NRXN3: variants seen among roughly 807,000 people sequenced by gnomAD.
NRXN3 encodes neurexin 3, also known as neurexin III.
A neutral mutation model predicts 137.6 loss-of-function variants in NRXN3; 32 were observed. The ratio of observed to expected loss-of-function variants is 0.23; its 90% CI spans 0.18 to 0.31. NRXN3 has a LOEUF of 0.31. NRXN3 is among the 10% of genes least tolerant of loss of function. NRXN3 has a pLI of 1.00. For missense variants in NRXN3, 1,574 were observed against 2,062.5 expected (o/e 0.76, Z 4.59); for synonymous variants, 798 against 784.5 (o/e 1.02, Z -0.29).
At chr14:78,779,571 A>G (rs775865063) in intron 8 of NRXN3, among the ~76,000 whole-genome samples, 4 of 152,142 alleles carry the variant, frequency 2.6e-5, no homozygotes, top group Non-Finnish European at 5.9e-5. Context: ...CAGAAAGTCC[A>G]TAAGGGTTTA....
chr14:78,855,625 A>T (rs1244299735), intron 10 of NRXN3, among the ~76,000 whole-genome samples: 1 of 152,218 alleles, frequency 6.6e-6, no homozygotes, highest in Non-Finnish European at 1.5e-5. Context: ...CCTGTTTTCT[A>T]TCAAATTCTA....
intron 4 of NRXN3, among the ~76,000 whole-genome samples, chr14:78,600,839 T>G (rs749460986): frequency 9.2e-5 from 14 of 152,210 alleles, no homozygotes; most frequent in Non-Finnish European, 1.9e-4. Context: ...TATTTCTCAT[T>G]AGAAGTATAG....
At chr14:79,528,301 G>T (rs1354786567) in intron 16 of NRXN3, among the ~76,000 whole-genome samples, 1 of 152,126 alleles carries the variant, frequency 6.6e-6, no homozygotes, top group African/African-American at 2.4e-5. Context: ...CTATTATCAT[G>T]TTCTTGTGTG....
intron 15 of NRXN3, among the ~76,000 whole-genome samples, chr14:78,992,792 G>A (rs1336127621): frequency 6.6e-6 from 1 of 152,126 alleles, no homozygotes; most frequent in Non-Finnish European, 1.5e-5. Flanking sequence ...TACAATTTGG[G>A]GGTTTGGTTA....
At chr14:78,459,738 C>T (rs1008531755) in intron 4 of NRXN3, among the ~76,000 whole-genome samples, 4 of 152,192 alleles carry the variant, frequency 2.6e-5, no homozygotes, top group African/African-American at 9.7e-5. Context: ...AACTCACTTT[C>T]TCGTACTATA....
At chr14:78,528,675 A>G (rs1289096300) in intron 4 of NRXN3, among the ~76,000 whole-genome samples, 2 of 152,178 alleles carry the variant, frequency 1.3e-5, no homozygotes, top group African/African-American at 4.8e-5. Context: ...CATGAGAATT[A>G]TAGACTTCCA....
intron 10 of NRXN3, among the ~76,000 whole-genome samples, chr14:78,901,196 A>G (rs1486847017): frequency 6.6e-6 from 1 of 151,874 alleles, no homozygotes. Flanking sequence ...GGGGATTTGT[A>G]TCTAATTTTC....
rs1262483025 is a variant in NRXN3, at chr14:79,773,533, C to A, written c.4015-31579C>A. 3.4e-5 allele frequency among the ~76,000 whole-genome samples: 5 copies of A among 148,674 alleles called. No individual in the cohort carries two copies. In the East Asian group the frequency reaches 6.0e-4, roughly 18 times the overall value. ...CTCAGTAAACTATCGCAAGAACAAA[C>A]AACCAAACACCGCATATTCTCACTC... On this transcript the variant is annotated intron_variant, in intron 19 of 20. Transcript: ENST00000335750.
At chr14:78,344,887 C>A (rs2082537671) in intron 4 of NRXN3, among the ~76,000 whole-genome samples, 1 of 152,130 alleles carries the variant, frequency 6.6e-6, no homozygotes, top group Non-Finnish European at 1.5e-5. Flanking sequence ...TAGCAAGCTC[C>A]CCAATTGTTT....
intron 15 of NRXN3, among the ~76,000 whole-genome samples, chr14:79,335,725 C>A (rs2092206758): frequency 6.6e-6 from 1 of 151,760 alleles, no homozygotes; most frequent in Non-Finnish European, 1.5e-5. Flanking sequence ...CACTTTTTGG[C>A]TCTACTTTTA....
At chr14:78,973,661 C>A (rs1257650990) in intron 14 of NRXN3, among the ~76,000 whole-genome samples, 1 of 152,124 alleles carries the variant, frequency 6.6e-6, no homozygotes, top group Non-Finnish European at 1.5e-5. Flanking sequence ...ACTACTTCAT[C>A]CACTATTCAA....
At chr14:79,831,070 A>T (rs1603617849) in intron 20 of NRXN3, among the ~76,000 whole-genome samples, 2 of 74,034 alleles carry the variant, frequency 2.7e-5, no homozygotes, top group Non-Finnish European at 7.0e-5. Flanking sequence ...CCTATTAGAG[A>T]TAGAGACCAC....
At chr14:79,798,418 C>G (rs1239720230) in intron 19 of NRXN3, among the ~76,000 whole-genome samples, 27 of 152,180 alleles carry the variant, frequency 1.8e-4, no homozygotes, top group Non-Finnish European at 1.3e-4. Context: ...AGAACTAAAA[C>G]AGCAAACATT....
intron 6 of NRXN3, among the ~76,000 whole-genome samples, chr14:78,669,547 C>T (rs142796761): frequency 3.9e-5 from 6 of 152,206 alleles, no homozygotes; most frequent in South Asian, 2.1e-4. Flanking sequence ...TCTGTGCTAC[C>T]GTGCTACACA....
rs150248014 is a variant in NRXN3 at position 78,832,972 on chromosome 14, G to A, written c.2275+22628G>A. Among the ~76,000 whole-genome samples, 75 of 152,246 alleles carry A rather than the reference G, an allele frequency of 4.9e-4. 1 individual carries two copies. The highest frequency in any genetic ancestry group is 3.4e-3 in the Middle Eastern group (1 of 294). On this transcript the variant is annotated intron_variant, in intron 10 of 20. Transcript: ENST00000335750. Reference sequence around the variant, plus strand: ...ATGGAATTTACAATCTAAGTTTCACGCATAAAACATCTTTCCGGGGAAGAC... The same window carrying A: ...ATGGAATTTACAATCTAAGTTTCACACATAAAACATCTTTCCGGGGAAGAC...
chr14:78,845,291 A>G lies in NRXN3; in HGVS notation c.2275+34947A>G, dbSNP rs112033033. ...TGTTACTACATAGTGTTAATTTTAC[A>G]GTTTTTTATATGAAATAACTCTCTG... On this transcript the variant is annotated intron_variant, in intron 10 of 20. Transcript: ENST00000335750. Among the ~76,000 whole-genome samples the G allele has an allele frequency of 1.0e-2, 1,515 of 152,220 alleles. 20 individuals are homozygous for G. Among genetic ancestry groups the G allele is most frequent in the African/African-American group, 0.029 (1,212 of 41,560 alleles).
intron 10 of NRXN3, among the ~76,000 whole-genome samples, chr14:78,929,965 C>T (rs1322351327): frequency 1.3e-5 from 2 of 152,112 alleles, no homozygotes; most frequent in African/African-American, 4.8e-5. Context: ...GCTTCTAGAC[C>T]ATTGCAAGTT....
At chr14:78,392,313 T>A (rs1355999447) in intron 4 of NRXN3, among the ~76,000 whole-genome samples, 2 of 152,226 alleles carry the variant, frequency 1.3e-5, no homozygotes, top group Non-Finnish European at 1.5e-5. Flanking sequence ...TGACACTCAC[T>A]GTTATTGCAA....
At chr14:78,477,160 T>C (rs2095394446) in intron 4 of NRXN3, among the ~76,000 whole-genome samples, 1 of 152,210 alleles carries the variant, frequency 6.6e-6, no homozygotes, top group South Asian at 2.1e-4. Flanking sequence ...GTCTTCACTA[T>C]TGTCTTTTTC....
Sources: allele counts gnomAD v4.1 joint callset (sites outside exome capture counted in the v4.1 genomes callset), GRCh38; gene constraint gnomAD v4.1.1; transcripts MANE v1.5; gene names NCBI Gene and HGNC (gene_info 2026-07-23, HGNC 2026-07-21).